NCOA3: variants seen among roughly 807,000 people sequenced by gnomAD.
The protein encoded by NCOA3 is CBP-interacting protein.
A neutral mutation model predicts 158.8 loss-of-function variants in NCOA3; 51 were observed. The ratio of observed to expected loss-of-function variants is 0.32; its 90% confidence interval spans 0.26 to 0.41. The LOEUF is 0.41. Ranked by LOEUF, NCOA3 falls within the 10% of genes least tolerant of loss-of-function variation. The pLI, the probability that NCOA3 is intolerant of heterozygous loss-of-function variation, is 1.00. For synonymous variants in NCOA3, 537 were observed against 592.4 expected (o/e 0.91, Z 1.36); for missense variants, 1,510 against 1,746.6 (o/e 0.86, Z 2.41).
At chr20:47,523,805 ATAAT>A (rs1206158150) in intron 1 of NCOA3, among the ~76,000 whole-genome samples, 2 of 152,254 alleles carry the variant, frequency 1.3e-5, no homozygotes, top group Non-Finnish European at 2.9e-5. Context: ...TATAAGGATA[ATAAT>A]TAAGCAAAAT....
Position 47,516,247 on chromosome 20 carries a change from T to A in NCOA3, c.-99+14228T>A, listed in dbSNP as rs1042966059. On this transcript the variant is annotated intron_variant, in intron 1 of 22. Coordinates refer to ENST00000371998, the MANE Select transcript of NCOA3 (RefSeq NM_181659.3). ...ATGTATCAAGATGGTGGGGGGATGG[T>A]GATAGGGGAGGCTACACATGGGTTT... Among the ~76,000 whole-genome samples, 8 of 152,212 alleles carry A rather than the reference T, an allele frequency of 5.3e-5. No individual in the cohort carries two copies. The South Asian group carries it at 1.7e-3, about 32-fold the overall frequency.
At chr20:47,587,454 C>G (rs1015908298) in intron 2 of NCOA3, among the ~76,000 whole-genome samples, 2 of 152,174 alleles carry the variant, frequency 1.3e-5, no homozygotes, top group Non-Finnish European at 2.9e-5. Flanking sequence ...CATATACATA[C>G]TCATACAGTC....
intron 1 of NCOA3, among the ~76,000 whole-genome samples, chr20:47,575,637 C>T (rs1340305249): frequency 6.6e-6 from 1 of 152,154 alleles, no homozygotes; most frequent in Non-Finnish European, 1.5e-5. Flanking sequence ...TGGTATCTTA[C>T]TTTGCTGGTT....
chr20:47,634,166 T>C lies in NCOA3; in HGVS notation c.1083T>C (p.His361=), dbSNP rs1435934292. 5.0e-6 allele frequency: 8 copies of C among 1,614,026 alleles called. No homozygotes were observed. Among genetic ancestry groups the C allele is most frequent in the Admixed American group, 1.7e-5 (1 of 60,002 alleles). Residue 361 remains histidine, a synonymous_variant, in exon 10 of 23, where the codon CAT becomes CAC. Transcript: ENST00000371998. ...GAAATCCTGTAACAAATGATCGACATGGCTTTGTCTCAACCCACTTCCTTC... is the reference window on the plus strand; with the variant it reads ...GAAATCCTGTAACAAATGATCGACACGGCTTTGTCTCAACCCACTTCCTTC... The part of the protein sequence containing the change: ...LFRNPVTNDR[H]GFVSTHFLQR...
At chr20:47,613,182 T>C (rs183763002) in intron 2 of NCOA3, among the ~76,000 whole-genome samples, 24 of 152,338 alleles carry the variant, frequency 1.6e-4, no homozygotes, top group African/African-American at 5.3e-4. Context: ...AAAGCAAAGA[T>C]AGTGGAGAAG....
intron 9 of NCOA3, 144 bp downstream of exon 9, chr20:47,633,780 A>C: frequency 4.3e-6 from 4 of 934,682 alleles, no homozygotes; most frequent in Non-Finnish European, 6.4e-6. Flanking sequence ...GCAGGTGCAC[A>C]CCACCATACC....
intron 8 of NCOA3, among the ~76,000 whole-genome samples, chr20:47,632,102 A>T (rs1346491629): frequency 6.6e-6 from 1 of 152,152 alleles, no homozygotes; most frequent in Non-Finnish European, 1.5e-5. Flanking sequence ...GGCCTTCTGT[A>T]CTTCTGACTG....
At position 47,504,478 on chromosome 20, in the gene NCOA3, CTTTTTTTT is replaced by C. The variant is rs58220390; in HGVS notation, c.-99+2477_-99+2484del. On this transcript the variant is annotated intron_variant, in intron 1 of 22. Coordinates refer to ENST00000371998, the MANE Select transcript of NCOA3 (RefSeq NM_181659.3). The stretch of plus-strand genomic sequence containing the variant: ...CATTAAAGATAAAAGCTAAGTGTGT[CTTTTTTTT>C]TTTTTTTTTTTTTTTTTAACGAATT... Among the ~76,000 whole-genome samples, 24 of 98,686 alleles carry C rather than the reference CTTTTTTTT, an allele frequency of 2.4e-4. 1 individual carries two copies. In the East Asian group the frequency reaches 7.2e-3, roughly 29 times the overall value. The allele number at this position is 98,686 out of a possible 152,430, so 64.7% of individuals were successfully genotyped here.
chr20:47,587,834 G>A (rs2085559772), intron 2 of NCOA3, among the ~76,000 whole-genome samples: 3 of 151,980 alleles, frequency 2.0e-5, no homozygotes, highest in African/African-American at 7.2e-5. Context: ...CAGTATGTAC[G>A]TCTTTATTCC....
At chr20:47,579,163 CAG>C (rs1056167586) in intron 1 of NCOA3, among the ~76,000 whole-genome samples, 4 of 152,294 alleles carry the variant, frequency 2.6e-5, no homozygotes, top group Non-Finnish European at 4.4e-5. Flanking sequence ...AAAACTAAAA[CAG>C]GGGCCATGTT....
Position 47,502,025 on chromosome 20 carries a change from T to G in NCOA3, c.-99+6T>G. The G allele has an allele frequency of 2.5e-6, 1 of 394,342 alleles. No individual in the cohort carries two copies. The highest frequency in any genetic ancestry group is 2.1e-5 in the African/African-American group (1 of 46,642). The allele number at this position is 394,342 out of a possible 1,614,324, so 24.4% of individuals were successfully genotyped here. On this transcript the variant is annotated splice_donor_region_variant and intron_variant, in intron 1 of 22. Transcript: ENST00000371998. ...GAGGAAAATGGCGGCGGGAGGTGAGTGGAGATAAAGGAGGAGGCGGTGGCG... is the reference window on the plus strand; with the variant it reads ...GAGGAAAATGGCGGCGGGAGGTGAGGGGAGATAAAGGAGGAGGCGGTGGCG...
intron 16 of NCOA3, 102 bp downstream of exon 16, chr20:47,640,153 A>G (rs2146328445): frequency 2.7e-6 from 4 of 1,490,224 alleles, no homozygotes; most frequent in South Asian, 1.2e-5. Flanking sequence ...AGAATTCCCT[A>G]TAATTGAGGT....
chr20:47,510,406 C>T, intron 1 of NCOA3, among the ~76,000 whole-genome samples: 1 of 117,326 alleles, frequency 8.5e-6, no homozygotes, highest in East Asian at 2.5e-4. Flanking sequence ...GCACTCCAGC[C>T]TGGGTGACAG....
chr20:47,542,073 C>T (rs2084752815), intron 1 of NCOA3, among the ~76,000 whole-genome samples: 1 of 129,870 alleles, frequency 7.7e-6, no homozygotes, highest in South Asian at 2.5e-4. Flanking sequence ...TTCTGTCACC[C>T]AGGCTGGAGT....
At position 47,635,374 on chromosome 20, in the gene NCOA3, C is replaced by T; in HGVS notation, c.1165C>T (p.Pro389Ser). The T allele has an allele frequency of 6.2e-7, 1 of 1,612,806 alleles. No homozygotes were observed. The highest frequency in any genetic ancestry group is 8.5e-7 in the Non-Finnish European group (1 of 1,178,892). ...NPNPVGQGIRPPMAGCNSSVG... is the reference protein window; with the variant it reads ...NPNPVGQGIRSPMAGCNSSVG... ...AAATCCTGTTGGACAAGGGATTAGA[C>T]CACCTATGGCTGGATGCAACAGTTC... The change falls in exon 11 of 23, where the codon CCA (proline) becomes TCA (serine). Residue 389 changes from proline (P) to serine (S), a missense_variant. Coordinates refer to ENST00000371998, the MANE Select transcript of NCOA3 (RefSeq NM_181659.3).
chr20:47,561,698 C>T (rs1352899653), intron 1 of NCOA3, among the ~76,000 whole-genome samples: 1 of 152,090 alleles, frequency 6.6e-6, no homozygotes, highest in Admixed American at 6.6e-5. Context: ...ATGTGCATGT[C>T]TTCCTCCATT....
intron 1 of NCOA3, among the ~76,000 whole-genome samples, chr20:47,530,988 G>C (rs1352881352): frequency 6.6e-6 from 1 of 152,098 alleles, no homozygotes; most frequent in Middle Eastern, 3.2e-3. Context: ...TATCTACCCT[G>C]TTTCATCTTT....
intron 15 of NCOA3, 40 bp from the exon 16 acceptor site, chr20:47,639,885 C>T (rs749655088): frequency 6.2e-6 from 10 of 1,612,980 alleles, no homozygotes; most frequent in Non-Finnish European, 8.5e-6. Flanking sequence ...ATAATTTTTG[C>T]TCTTATTTGA....
intron 9 of NCOA3, 112 bp from the exon 10 acceptor site, chr20:47,633,936 C>A: frequency 7.3e-7 from 1 of 1,361,006 alleles, no homozygotes; most frequent in South Asian, 1.4e-5. Flanking sequence ...CAGATCCAGT[C>A]TTTCCTTGGA....
Sources: allele counts gnomAD v4.1 joint callset (sites outside exome capture counted in the v4.1 genomes callset), GRCh38; gene constraint gnomAD v4.1.1; transcripts MANE v1.5; gene names NCBI Gene and HGNC (gene_info 2026-07-23, HGNC 2026-07-21).